The following DSCAML1 variants were observed in gnomAD, a reference collection of about 807,000 sequenced individuals.
DSCAML1 encodes the protein DS cell adhesion molecule like 1.
A neutral mutation model predicts 200.5 loss-of-function variants in DSCAML1; 38 were observed. That is an observed-to-expected ratio of 0.19 (90% CI 0.15 to 0.25). DSCAML1 has a LOEUF of 0.25. Ranked by LOEUF, DSCAML1 falls within the 10% of genes least tolerant of loss-of-function variation. The pLI, the probability that DSCAML1 is intolerant of heterozygous loss-of-function variation, is 1.00. For synonymous variants in DSCAML1, 1,215 were observed against 1,165.0 expected, an observed-to-expected ratio of 1.04 and a Z score of -0.87; for missense variants, 2,223 against 2,858.8, an observed-to-expected ratio of 0.78 and a Z score of 5.07.
chr11:117,519,101 A>G (rs1265554714), intron 6 of DSCAML1, among the ~76,000 whole-genome samples: 5 of 152,252 alleles, frequency 3.3e-5, no homozygotes, highest in African/African-American at 7.2e-5. Context: ...TGAGGATAAA[A>G]TGAATTAATA....
chr11:117,645,643 C>A (rs572295272), intron 3 of DSCAML1, among the ~76,000 whole-genome samples: 1 of 150,672 alleles, frequency 6.6e-6, no homozygotes, highest in Non-Finnish European at 1.5e-5. Flanking sequence ...AGCAAACTAT[C>A]GCAAGAACAA....
chr11:117,708,033 C>T (rs1405836319), intron 3 of DSCAML1, among the ~76,000 whole-genome samples: 1 of 152,176 alleles, frequency 6.6e-6, no homozygotes, highest in Non-Finnish European at 1.5e-5. Flanking sequence ...AAGCTAGCTG[C>T]AACTAGCTTC....
intron 3 of DSCAML1, among the ~76,000 whole-genome samples, chr11:117,585,406 C>T (rs11216462): frequency 6.6e-6 from 1 of 151,732 alleles, no homozygotes; most frequent in Non-Finnish European, 1.5e-5. Flanking sequence ...CCCACCACCA[C>T]GCCCAGCTAA....
Position 117,524,926 on chromosome 11 carries a change from C to T in DSCAML1, c.816G>A (p.Trp272Ter). Residue 272 changes from tryptophan (W) to a stop codon, truncating the protein, a stop_gained, in exon 5 of 33, where the codon TGG (tryptophan) becomes TGA (stop). Coordinates refer to ENST00000651296, the MANE Select transcript of DSCAML1 (RefSeq NM_020693.4). LOFTEE classifies it high-confidence loss of function. ...TGGTCAGCCCTGTGATGCGCTTGGT[C>T]CAGCGGCTGTCAGCCGGGAGGGGCC... The part of the protein sequence containing the change: ...DGRPLPADSR[W>*]TKRITGLTIS... 6.2e-7 allele frequency: 1 copy of T among 1,613,666 alleles called. No homozygotes were observed. The highest frequency in any genetic ancestry group is 8.5e-7 in the Non-Finnish European group (1 of 1,179,890).
chr11:117,698,356 C>A (rs1236446239), intron 3 of DSCAML1, among the ~76,000 whole-genome samples: 1 of 152,146 alleles, frequency 6.6e-6, no homozygotes, highest in East Asian at 1.9e-4. Context: ...GATGTCTGGG[C>A]CTTTAGCAGC....
At chr11:117,615,113 G>T (rs2051784840) in intron 3 of DSCAML1, among the ~76,000 whole-genome samples, 1 of 152,240 alleles carries the variant, frequency 6.6e-6, no homozygotes, top group Admixed American at 6.5e-5. Flanking sequence ...GAATTGAAGA[G>T]CTGTTGACCC....
rs71037499 is a variant in DSCAML1 at position 117,780,304 on chromosome 11, G to GAAAGAAAAGAAAGAA, written c.364+188_364+189insTTCTTTCTTTTCTTT. On this transcript the variant is annotated intron_variant, in intron 2 of 32. Transcript: ENST00000651296. This position sits in a 1 kb window ranked among gnomAD's most constrained non-coding sequence, Gnocchi z 4.8. ...AGAAAGAAAGAAAGAAAGAAAGAAA[G>GAAAGAAAAGAAAGAA]AGAGAAAGGAGAAAGAAAGGTGTCT... 2.3e-4 allele frequency among the ~76,000 whole-genome samples: 23 copies of GAAAGAAAAGAAAGAA among 98,360 alleles called. No homozygotes were observed. Among genetic ancestry groups the GAAAGAAAAGAAAGAA allele is most frequent in the Non-Finnish European group, 4.4e-4 (20 of 45,044 alleles). The allele number at this position is 98,360 out of a possible 152,430, so 64.5% of individuals were successfully genotyped here.
intron 4 of DSCAML1, 82 bp downstream of exon 4, chr11:117,532,294 G>C: frequency 7.0e-7 from 1 of 1,433,826 alleles, no homozygotes; most frequent in Non-Finnish European, 9.5e-7. Flanking sequence ...CTCCATCTGC[G>C]GTGGGGCGTG....
At chr11:117,776,159 G>C (rs1470748044) in intron 3 of DSCAML1, among the ~76,000 whole-genome samples, 1 of 152,162 alleles carries the variant, frequency 6.6e-6, no homozygotes, top group Non-Finnish European at 1.5e-5. Flanking sequence ...AGAGGTAAAA[G>C]GAGCCAATAA....
chr11:117,522,268 C>G (rs1436683548), intron 5 of DSCAML1, among the ~76,000 whole-genome samples: 1 of 152,224 alleles, frequency 6.6e-6, no homozygotes, highest in African/African-American at 2.4e-5. Flanking sequence ...CCTCCTCTAG[C>G]CCCGCTGTGT....
intron 20 of DSCAML1, among the ~76,000 whole-genome samples, chr11:117,448,551 A>G (rs1459676547): frequency 1.3e-5 from 2 of 151,058 alleles, no homozygotes; most frequent in Non-Finnish European, 2.9e-5. Context: ...GCCGCGGGGC[A>G]AAGGTGTGGA....
chr11:117,747,773 G>T (rs1018701700), intron 3 of DSCAML1, among the ~76,000 whole-genome samples: 1 of 152,202 alleles, frequency 6.6e-6, no homozygotes, highest in Non-Finnish European at 1.5e-5. Flanking sequence ...CAATCGTGCT[G>T]CATGTGGGAT....
At chr11:117,529,967 G>A (rs560217192) in intron 4 of DSCAML1, among the ~76,000 whole-genome samples, 64 of 152,176 alleles carry the variant, frequency 4.2e-4, no homozygotes, top group African/African-American at 1.4e-3. Context: ...AGGGCCCCGC[G>A]TCGCTGCATG....
At chr11:117,441,243 G>C (rs1398744338) in intron 21 of DSCAML1, among the ~76,000 whole-genome samples, 1 of 152,224 alleles carries the variant, frequency 6.6e-6, no homozygotes, top group East Asian at 1.9e-4. Flanking sequence ...GGAGGGGCAG[G>C]CTTGGCAGGA....
chr11:117,464,491 G>GCATGC (rs1313628344), intron 17 of DSCAML1, among the ~76,000 whole-genome samples: 3 of 152,130 alleles, frequency 2.0e-5, no homozygotes, highest in Admixed American at 2.0e-4. Flanking sequence ...ATCCTCTGCC[G>GCATGC]CATGCACGTT....
intron 3 of DSCAML1, among the ~76,000 whole-genome samples, chr11:117,554,203 A>G (rs965792330): frequency 2.0e-5 from 3 of 152,168 alleles, no homozygotes; most frequent in African/African-American, 7.2e-5. Flanking sequence ...TTCTGATGAC[A>G]AAGTTTTGGA....
chr11:117,766,760 T>G (rs1030044619), intron 3 of DSCAML1, among the ~76,000 whole-genome samples: 3 of 152,150 alleles, frequency 2.0e-5, no homozygotes, highest in Admixed American at 1.3e-4. Flanking sequence ...ACATGACACA[T>G]GCACACGCCG....
At chr11:117,719,848 C>A (rs116734500) in intron 3 of DSCAML1, among the ~76,000 whole-genome samples, 7 of 152,310 alleles carry the variant, frequency 4.6e-5, no homozygotes, top group African/African-American at 1.7e-4. Flanking sequence ...TCTGCCAAAT[C>A]ATTCCTTCAT....
chr11:117,480,665 G>A lies in DSCAML1; in HGVS notation c.2657-94C>T, dbSNP rs2048896359. ...TGAGGATTGGCATCACCTGGGTCTA[G>A]CCAAGGACTCTGGCACCCTAGGGTT... is the stretch of plus-strand genomic sequence containing the variant. On this transcript the variant is annotated intron_variant, in intron 13 of 32. Transcript: ENST00000651296. This position sits in a 1 kb window ranked among gnomAD's most constrained non-coding sequence, Gnocchi z 4.1. 6.9e-7 allele frequency: 1 copy of A among 1,451,254 alleles called. No individual in the cohort carries two copies. Among genetic ancestry groups the A allele is most frequent in the African/African-American group, 1.4e-5 (1 of 71,318 alleles). 89.9% of individuals were successfully genotyped at this position (1,451,254 alleles called of 1,614,324 possible). A position where few individuals can be genotyped will look rare whatever the true frequency, so the allele number is the denominator to read the frequency against.
Sources: allele counts gnomAD v4.1 joint callset (sites outside exome capture counted in the v4.1 genomes callset), GRCh38; gene constraint gnomAD v4.1.1; non-coding constraint Gnocchi (gnomAD v3.1); transcripts MANE v1.5; gene names NCBI Gene and HGNC (gene_info 2026-07-23, HGNC 2026-07-21).